The following COL25A1 variants were observed in gnomAD, a reference collection of about 807,000 sequenced individuals.
The protein encoded by COL25A1 is collagen type XXV alpha 1 chain, also known as collagen alpha-1(XXV) chain.
Under a neutral mutation model 128.4 loss-of-function variants are expected in COL25A1, and 103 were observed. That is an observed-to-expected ratio of 0.80 (90% CI 0.68 to 0.94). The LOEUF (loss-of-function observed/expected upper bound fraction) is 0.94, where lower values mean the gene tolerates loss of function less well. COL25A1 is among the 40% of genes least tolerant of loss of function. COL25A1 has a pLI of 0.00. For synonymous variants in COL25A1, 279 were observed against 277.2 expected, an observed-to-expected ratio of 1.01 and a Z score of -0.06; for missense variants, 745 against 840.0, an observed-to-expected ratio of 0.89 and a Z score of 1.40.
chr4:109,047,728 CTTTTTTTTT>C (rs59105153), intron 5 of COL25A1, among the ~76,000 whole-genome samples: 1 of 132,194 alleles, frequency 7.6e-6, no homozygotes, highest in Non-Finnish European at 1.6e-5. Flanking sequence ...TAAGTATACT[CTTTTTTTTT>C]TTTTTTTTTT....
At chr4:109,104,024 AT>A (rs1316706263) in intron 3 of COL25A1, among the ~76,000 whole-genome samples, 3 of 152,136 alleles carry the variant, frequency 2.0e-5, no homozygotes, top group African/African-American at 4.8e-5. Context: ...TTAACAGAAA[AT>A]TTTTTATAGA....
chr4:108,940,766 C>T (rs1747994781), intron 9 of COL25A1, 120 bp from the exon 10 acceptor site: 2 of 651,132 alleles, frequency 3.1e-6, no homozygotes, highest in Non-Finnish European at 5.0e-6. Flanking sequence ...AGAACCAGAA[C>T]AACCACAAAT....
chr4:109,114,484 G>A (rs1040695218), intron 3 of COL25A1, among the ~76,000 whole-genome samples: 4 of 152,028 alleles, frequency 2.6e-5, no homozygotes, highest in African/African-American at 9.7e-5. Context: ...TGAAACATCA[G>A]GAGTCATCCA....
intron 6 of COL25A1, among the ~76,000 whole-genome samples, chr4:108,984,947 G>A (rs2126003751): frequency 6.6e-6 from 1 of 152,294 alleles, no homozygotes; most frequent in African/African-American, 2.4e-5. Context: ...TTTATGAAGG[G>A]CCCCTAAGCA....
intron 3 of COL25A1, among the ~76,000 whole-genome samples, chr4:109,112,457 T>C (rs916495957): frequency 5.1e-4 from 77 of 152,146 alleles, no homozygotes; most frequent in African/African-American, 1.5e-3. Flanking sequence ...TGGTTAAGAA[T>C]TATGTTTATT....
rs768618290 is a variant in COL25A1, at chr4:108,819,790, C to G, written c.1846-461G>C. 511 of 1,181,880 alleles carry G rather than the reference C, an allele frequency of 4.3e-4. 2 individuals are homozygous for G. The highest frequency in any genetic ancestry group is 3.2e-4 in the Middle Eastern group (1 of 3,126). 73.2% of individuals were successfully genotyped at this position (1,181,880 alleles called of 1,614,324 possible). ...ATCCCCTCACACAAACATCTGGAGA[C>G]AGTTCCACAAGTCAGACATACCAAC... On this transcript the variant is annotated intron_variant, in intron 35 of 37. Transcript: ENST00000399132.
chr4:109,196,158 T>C (rs935490096), intron 3 of COL25A1, among the ~76,000 whole-genome samples: 5 of 152,156 alleles, frequency 3.3e-5, no homozygotes, highest in Non-Finnish European at 5.9e-5. Flanking sequence ...AAAGATAATG[T>C]ACATCCATTA....
chr4:109,241,187 T>C (rs1779875424), intron 3 of COL25A1, among the ~76,000 whole-genome samples: 1 of 152,060 alleles, frequency 6.6e-6, no homozygotes, highest in Non-Finnish European at 1.5e-5. Flanking sequence ...TTTTTTAATC[T>C]ATAAATGCAA....
intron 13 of COL25A1, among the ~76,000 whole-genome samples, chr4:108,902,899 GCAA>G (rs1299774734): frequency 6.6e-6 from 1 of 151,900 alleles, no homozygotes; most frequent in Admixed American, 6.6e-5. Flanking sequence ...CATTTACTGT[GCAA>G]CGAGAAAAAG....
chr4:108,878,992 C>T (rs1739782900), intron 19 of COL25A1, among the ~76,000 whole-genome samples: 2 of 152,186 alleles, frequency 1.3e-5, no homozygotes, highest in Admixed American at 1.3e-4. Flanking sequence ...TATGTTGCTT[C>T]AGAAGTTTTT....
intron 24 of COL25A1, among the ~76,000 whole-genome samples, chr4:108,857,473 A>G (rs1382327759): frequency 2.0e-5 from 3 of 152,064 alleles, no homozygotes; most frequent in Admixed American, 2.0e-4. Context: ...CTGTCCAAGC[A>G]ACATTTCTCC....
chr4:108,834,030 A>G lies in COL25A1; in HGVS notation c.1657-1597T>C, dbSNP rs142905789. ...ATGGAATTGTAGGGGATGTCTGTCT[A>G]TTGGTTCTGGAAAAATTCATGTGGA... On this transcript the variant is annotated intron_variant, in intron 31 of 37. Coordinates refer to ENST00000399132, the MANE Select transcript of COL25A1 (RefSeq NM_198721.4). Among the ~76,000 whole-genome samples the G allele has an allele frequency of 1.1e-3, 170 of 152,296 alleles. 3 individuals carry two copies. In the East Asian group the frequency reaches 0.029, roughly 26 times the overall value.
At chr4:109,228,372 A>G (rs1778942935) in intron 3 of COL25A1, among the ~76,000 whole-genome samples, 2 of 152,114 alleles carry the variant, frequency 1.3e-5, no homozygotes, top group Admixed American at 6.6e-5. Flanking sequence ...CTTAATTCCA[A>G]ATAAAGACAA....
chr4:109,069,492 C>A (rs1417724862), intron 3 of COL25A1, among the ~76,000 whole-genome samples: 1 of 152,008 alleles, frequency 6.6e-6, no homozygotes, highest in Non-Finnish European at 1.5e-5. Flanking sequence ...CATGTCCAGC[C>A]CCTAATGAGT....
At chr4:109,261,177 T>C (rs1027973801) in intron 3 of COL25A1, among the ~76,000 whole-genome samples, 6 of 152,148 alleles carry the variant, frequency 3.9e-5, no homozygotes, top group Non-Finnish European at 7.3e-5. Context: ...ACAGTTTAAC[T>C]CTAGACATTA....
intron 31 of COL25A1, among the ~76,000 whole-genome samples, chr4:108,838,825 T>C (rs1734102441): frequency 6.6e-6 from 1 of 152,170 alleles, no homozygotes; most frequent in Non-Finnish European, 1.5e-5. Context: ...ATAAAGAAAG[T>C]ATGAATTTAA....
In COL25A1 at chr4:108,896,728, G is replaced by A; in HGVS notation, c.862-17C>T. 1 of 1,611,992 alleles carries A rather than the reference G, an allele frequency of 6.2e-7. No homozygotes were observed. The highest frequency in any genetic ancestry group is 8.5e-7 in the Non-Finnish European group (1 of 1,178,118). The stretch of plus-strand genomic sequence containing the variant: ...AGCGTCTCCCTGAGGAGGTGAGAAA[G>A]TGACACATGTAAAATACATTGGTGA... On this transcript the variant is annotated splice_polypyrimidine_tract_variant and intron_variant, in intron 15 of 37. Transcript: ENST00000399132.
chr4:109,139,158 G>C (rs1003751507), intron 3 of COL25A1, among the ~76,000 whole-genome samples: 3 of 151,830 alleles, frequency 2.0e-5, no homozygotes, highest in Non-Finnish European at 4.4e-5. Flanking sequence ...CATATCCTTT[G>C]CCCACTTTTT....
rs71594153 is a variant in COL25A1 at position 108,855,378 on chromosome 4, C to CTT, written c.1321-2455_1321-2454dup. Among the ~76,000 whole-genome samples, 141 of 149,724 alleles carry CTT rather than the reference C, an allele frequency of 9.4e-4. 2 individuals are homozygous for CTT. The highest frequency in any genetic ancestry group is 3.4e-3 in the Middle Eastern group (1 of 292). On this transcript the variant is annotated intron_variant, in intron 24 of 37. Transcript: ENST00000399132. The stretch of plus-strand genomic sequence containing the variant: ...TGGATTTGTAGTTATGGTAAAGCTA[C>CTT]TTTTTTTTTGTTGTTCCTACAGTGT...
Sources: gnomAD v4.1 joint callset for allele counts (sites outside exome capture counted in the v4.1 genomes callset) on GRCh38, gnomAD v4.1.1 for gene constraint, MANE v1.5 for transcripts, NCBI Gene and HGNC (gene_info 2026-07-23, HGNC 2026-07-21) for gene names.